The following NUMB variants were observed in gnomAD, a reference collection of about 807,000 sequenced individuals.
The protein encoded by NUMB is NUMB endocytic adaptor protein.
Under a neutral mutation model 59.7 loss-of-function variants are expected in NUMB, and 29 were observed. The ratio of observed to expected loss-of-function variants is 0.49; its 90% CI spans 0.36 to 0.66. NUMB has a LOEUF of 0.66. Among genes scored for constraint, NUMB ranks in the 30% least tolerant of loss-of-function variants. NUMB has a pLI of 0.00. For missense variants in NUMB, 723 were observed against 822.0 expected (o/e 0.88, Z 1.47); for synonymous variants, 288 against 288.2 (o/e 1.00, Z 0.01).
intron 2 of NUMB, among the ~76,000 whole-genome samples, chr14:73,378,940 G>A (rs1895099405): frequency 6.6e-6 from 1 of 152,172 alleles, no homozygotes; most frequent in African/African-American, 2.4e-5. Flanking sequence ...ATAGTGGGGA[G>A]GTTGTGCCTA....
chr14:73,350,074 T>TACACACAGACACAC (rs1172254479), intron 4 of NUMB, among the ~76,000 whole-genome samples: 1 of 131,060 alleles, frequency 7.6e-6, no homozygotes, highest in African/African-American at 3.1e-5. Context: ...CATACATACA[T>TACACACAGACACAC]ACATACACAC....
At chr14:73,339,005 G>A (rs1483978569) in intron 4 of NUMB, among the ~76,000 whole-genome samples, 1 of 152,090 alleles carries the variant, frequency 6.6e-6, no homozygotes, top group African/African-American at 2.4e-5. Flanking sequence ...AATCCACTGT[G>A]GTATATGAGT....
At chr14:73,400,495 G>A (rs1896361424) in intron 2 of NUMB, among the ~76,000 whole-genome samples, 1 of 152,122 alleles carries the variant, frequency 6.6e-6, no homozygotes, top group Admixed American at 6.5e-5. Flanking sequence ...TGGTCTTCTT[G>A]CCCTTTCCTG....
chr14:73,456,445 C>A (rs1011033238), intron 1 of NUMB, among the ~76,000 whole-genome samples: 2 of 152,284 alleles, frequency 1.3e-5, no homozygotes, highest in Admixed American at 6.5e-5. Context: ...TATATTTTAT[C>A]CTTTGGCCAG....
At chr14:73,352,832 G>A (rs61985803) in intron 4 of NUMB, among the ~76,000 whole-genome samples, 9 of 149,656 alleles carry the variant, frequency 6.0e-5, no homozygotes, top group East Asian at 2.0e-4. Context: ...ATGAGCCACC[G>A]TGCCTGCCCT....
At chr14:73,384,936 C>G (rs916766035) in intron 2 of NUMB, among the ~76,000 whole-genome samples, 15 of 148,416 alleles carry the variant, frequency 1.0e-4, no homozygotes, top group African/African-American at 3.8e-4. Flanking sequence ...TCTTGCTGCC[C>G]AGGCTGGAGT....
At chr14:73,395,197 A>T (rs1266665867) in intron 2 of NUMB, among the ~76,000 whole-genome samples, 1 of 146,096 alleles carries the variant, frequency 6.8e-6, no homozygotes, top group Non-Finnish European at 1.6e-5. Context: ...GCTACACATG[A>T]TGTATACACA....
intron 1 of NUMB, among the ~76,000 whole-genome samples, chr14:73,448,320 T>C (rs1475847570): frequency 6.6e-6 from 1 of 152,194 alleles, no homozygotes; most frequent in Non-Finnish European, 1.5e-5. Context: ...ACACCTTTCA[T>C]CAGAGACAAT....
At chr14:73,420,262 C>T (rs1350274899) in intron 1 of NUMB, among the ~76,000 whole-genome samples, 1 of 152,212 alleles carries the variant, frequency 6.6e-6, no homozygotes, top group Non-Finnish European at 1.5e-5. Context: ...TGTCGTCTGA[C>T]ACAATCTATA....
At chr14:73,391,988 A>G (rs901967941) in intron 2 of NUMB, among the ~76,000 whole-genome samples, 4 of 152,176 alleles carry the variant, frequency 2.6e-5, no homozygotes, top group African/African-American at 9.7e-5. Context: ...AACATTAACT[A>G]AATCACCCAA....
intron 1 of NUMB, among the ~76,000 whole-genome samples, chr14:73,416,028 A>G (rs1339787260): frequency 6.6e-6 from 1 of 152,230 alleles, no homozygotes; most frequent in Non-Finnish European, 1.5e-5. Flanking sequence ...TGGTTCAAAG[A>G]TTTGGCTTGC....
chr14:73,391,546 G>T (rs1895855672), intron 2 of NUMB, among the ~76,000 whole-genome samples: 1 of 151,928 alleles, frequency 6.6e-6, no homozygotes, highest in South Asian at 2.1e-4. Context: ...TCCTATTTCA[G>T]ACAGCTGTGA....
intron 6 of NUMB, among the ~76,000 whole-genome samples, chr14:73,310,887 A>C (rs1285207704): frequency 6.6e-6 from 1 of 152,194 alleles, no homozygotes; most frequent in East Asian, 1.9e-4. Flanking sequence ...AGGGTTCCTC[A>C]AATACATTAA....
At chr14:73,348,359 C>T (rs528334140) in intron 4 of NUMB, among the ~76,000 whole-genome samples, 1 of 152,318 alleles carries the variant, frequency 6.6e-6, no homozygotes, top group South Asian at 2.1e-4. Flanking sequence ...ACAAAACGCA[C>T]TCTAAATAAG....
intron 1 of NUMB, among the ~76,000 whole-genome samples, chr14:73,450,327 C>G (rs537359470): frequency 1.1e-3 from 162 of 152,294 alleles, no homozygotes; most frequent in Non-Finnish European, 2.0e-3. Flanking sequence ...AAATCATGGT[C>G]ACACAATTAT....
At chr14:73,355,064 A>G (rs971346640) in intron 4 of NUMB, among the ~76,000 whole-genome samples, 1 of 152,140 alleles carries the variant, frequency 6.6e-6, no homozygotes, top group African/African-American at 2.4e-5. Context: ...TGTCTCAGGC[A>G]ATACAAAGAA....
chr14:73,334,099 T>G (rs1006753373), intron 4 of NUMB, among the ~76,000 whole-genome samples: 3 of 151,888 alleles, frequency 2.0e-5, no homozygotes, highest in Non-Finnish European at 4.4e-5. Context: ...TTTCCCAGGC[T>G]GGAGTATAAT....
chr14:73,307,387 A>G (rs2139875691), intron 6 of NUMB, among the ~76,000 whole-genome samples: 1 of 151,682 alleles, frequency 6.6e-6, no homozygotes. Flanking sequence ...TTTTTTAAGA[A>G]GTTGTCAGTA....
chr14:73,357,296 G>A (rs150445741), intron 3 of NUMB, among the ~76,000 whole-genome samples: 25 of 148,932 alleles, frequency 1.7e-4, no homozygotes, highest in East Asian at 8.2e-4. Flanking sequence ...CCAGCTACTC[G>A]GGAGGCTGAG....
Sources: gnomAD v4.1 joint callset for allele counts (sites outside exome capture counted in the v4.1 genomes callset) on GRCh38, gnomAD v4.1.1 for gene constraint, MANE v1.5 for transcripts, NCBI Gene and HGNC (gene_info 2026-07-23, HGNC 2026-07-21) for gene names.